The following GPHN variants were observed in gnomAD, a reference collection of about 807,000 sequenced individuals.
GPHN encodes gephyrin.
A neutral mutation model predicts 95.5 loss-of-function variants in GPHN; 17 were observed. That is an observed-to-expected ratio of 0.18 (90% CI 0.12 to 0.27). The LOEUF (loss-of-function observed/expected upper bound fraction) is 0.27. Ranked by LOEUF, GPHN falls within the 10% of genes least tolerant of loss-of-function variation. The probability of loss-of-function intolerance (pLI) is 1.00; values close to 1 mark genes in which losing one functional copy is unlikely to be tolerated. For missense variants in GPHN, 660 were observed against 978.1 expected, an observed-to-expected ratio of 0.67 and a Z score of 4.34; for synonymous variants, 320 against 322.5, an observed-to-expected ratio of 0.99 and a Z score of 0.08.
chr14:67,503,248 T>C, the GPHN span, among the ~76,000 whole-genome samples: 1 of 152,152 alleles, frequency 6.6e-6, no homozygotes, highest in Non-Finnish European at 1.5e-5. Context: ...GCAGCAGAGA[T>C]GGTCTCTGGC....
chr14:66,845,073 T>G (rs1440712347), intron 4 of GPHN, among the ~76,000 whole-genome samples: 3 of 152,194 alleles, frequency 2.0e-5, no homozygotes, highest in Non-Finnish European at 4.4e-5. Context: ...TTTTTAACTC[T>G]GACCATTATT....
At chr14:66,620,887 C>T (rs2063262469) in intron 1 of GPHN, among the ~76,000 whole-genome samples, 1 of 152,176 alleles carries the variant, frequency 6.6e-6, no homozygotes. Context: ...TGGGTAAATA[C>T]AACCATTCCA....
At chr14:67,577,146 C>T in the GPHN span, among the ~76,000 whole-genome samples, 1 of 152,214 alleles carries the variant, frequency 6.6e-6, no homozygotes, top group African/African-American at 2.4e-5. Flanking sequence ...CCCACCTGTA[C>T]ACCCCACACT....
the GPHN span, among the ~76,000 whole-genome samples, chr14:67,323,261 G>GTGTGTGTGTATATATA: frequency 6.4e-4 from 80 of 124,134 alleles, no homozygotes; most frequent in Non-Finnish European, 1.3e-3. Context: ...GTGTGTGTGT[G>GTGTGTGTGTATATATA]TATATATATA....
chr14:67,650,923 G>T, the GPHN span: 1 of 1,613,498 alleles, frequency 6.2e-7, no homozygotes, highest in Non-Finnish European at 8.5e-7. Context: ...GAATTTAGGA[G>T]ACACTGTGCA....
At chr14:66,754,812 G>T (rs2058500893) in intron 2 of GPHN, among the ~76,000 whole-genome samples, 1 of 152,050 alleles carries the variant, frequency 6.6e-6, no homozygotes, top group East Asian at 1.9e-4. Context: ...CTATGAATGT[G>T]AACTGTGGGA....
At chr14:67,283,292 A>C in the GPHN span, among the ~76,000 whole-genome samples, 1 of 152,194 alleles carries the variant, frequency 6.6e-6, no homozygotes, top group African/African-American at 2.4e-5. Flanking sequence ...CTGGATATTC[A>C]AACTATTAAG....
chr14:67,514,133 G>C, the GPHN span, among the ~76,000 whole-genome samples: 1 of 152,136 alleles, frequency 6.6e-6, no homozygotes, highest in Non-Finnish European at 1.5e-5. Flanking sequence ...GCAGAAAGCT[G>C]CCTGGGGTCC....
the GPHN span, among the ~76,000 whole-genome samples, chr14:67,266,620 C>A: frequency 2.0e-3 from 310 of 152,128 alleles, no homozygotes; most frequent in African/African-American, 7.0e-3. Context: ...GCCACCTCGC[C>A]CAGCTGAAAT....
the GPHN span, among the ~76,000 whole-genome samples, chr14:67,355,449 C>CA: frequency 0.16 from 3,081 of 18,948 alleles, 843 homozygotes; most frequent in Non-Finnish European, 0.25. Context: ...GACCCTGTCT[C>CA]AAAAAAAAAA....
chr14:67,472,101 G>A, the GPHN span: 88,240 of 152,230 alleles, frequency 0.58, 27,984 homozygotes, highest in African/African-American at 0.85. Context: ...TTTAAGGAGT[G>A]AGCTCAAAGG....
intron 1 of GPHN, among the ~76,000 whole-genome samples, chr14:66,573,057 T>C (rs2060760305): frequency 1.3e-5 from 2 of 152,260 alleles, no homozygotes; most frequent in Admixed American, 1.3e-4. Context: ...TGGTTGGAAA[T>C]AATAAATGAT....
At chr14:66,606,160 A>T (rs994102857) in intron 1 of GPHN, among the ~76,000 whole-genome samples, 3 of 152,086 alleles carry the variant, frequency 2.0e-5, no homozygotes, top group African/African-American at 7.2e-5. Flanking sequence ...ATCTTGGGTT[A>T]ATTTTTGTAT....
the GPHN span, among the ~76,000 whole-genome samples, chr14:67,546,686 A>G: frequency 6.6e-6 from 1 of 152,162 alleles, no homozygotes; most frequent in Non-Finnish European, 1.5e-5. Flanking sequence ...CACCGTGCCC[A>G]GGCAGCAGAC....
the GPHN span, among the ~76,000 whole-genome samples, chr14:67,227,933 G>A: frequency 0.18 from 27,524 of 152,008 alleles, 2,881 homozygotes; most frequent in Non-Finnish European, 0.24. Context: ...ACTTTTGGAG[G>A]CCAAGGCGGG....
At chr14:67,688,287 A>C in the GPHN span, among the ~76,000 whole-genome samples, 1 of 152,216 alleles carries the variant, frequency 6.6e-6, no homozygotes, top group African/African-American at 2.4e-5. Flanking sequence ...AACAAAAAGG[A>C]AACAATCCAG....
chr14:66,521,339 C>T (rs1423544237), intron 1 of GPHN, among the ~76,000 whole-genome samples: 3 of 152,004 alleles, frequency 2.0e-5, no homozygotes, highest in Non-Finnish European at 4.4e-5. Context: ...TTTTGGAGCC[C>T]GTCATTGTAA....
At chr14:67,360,033 A>C in the GPHN span, 6 of 502,130 alleles carry the variant, frequency 1.2e-5, no homozygotes, top group Non-Finnish European at 1.8e-5. Context: ...AAAGACTAGG[A>C]GCGAAGCGTG....
chr14:66,810,777 C>T (rs2060729412), intron 3 of GPHN, among the ~76,000 whole-genome samples: 1 of 152,120 alleles, frequency 6.6e-6, no homozygotes, highest in Non-Finnish European at 1.5e-5. Flanking sequence ...TTTCTGTTCT[C>T]ATTTCCTTTC....
Sources: allele counts gnomAD v4.1 joint callset (sites outside exome capture counted in the v4.1 genomes callset), GRCh38; gene constraint gnomAD v4.1.1; transcripts MANE v1.5; gene names NCBI Gene and HGNC (gene_info 2026-07-23, HGNC 2026-07-21).